NAV3: variants seen among roughly 807,000 people sequenced by gnomAD.
The protein encoded by NAV3 is neuron navigator 3.
NAV3 carries 87 observed loss-of-function variants against 244.7 expected under a neutral mutation model. The ratio of observed to expected loss-of-function variants is 0.36; its 90% CI spans 0.30 to 0.42. The LOEUF (loss-of-function observed/expected upper bound fraction) is 0.42, where lower values mean the gene tolerates loss of function less well. Among genes scored for constraint, NAV3 ranks in the 20% least tolerant of loss-of-function variants. The pLI, the probability that NAV3 is intolerant of heterozygous loss-of-function variation, is 1.00. For missense variants in NAV3, 2,663 were observed against 2,893.3 expected (o/e 0.92, Z 1.83); for synonymous variants, 1,126 against 1,042.2 (o/e 1.08, Z -1.55).
At chr12:77,868,083 C>G (rs1592835242) in intron 1 of NAV3, among the ~76,000 whole-genome samples, 1 of 140,434 alleles carries the variant, frequency 7.1e-6, no homozygotes, top group South Asian at 2.7e-4. Context: ...TTCTTCCAGT[C>G]AAACCTTGCT....
chr12:77,840,175 G>T (rs566466275), intron 1 of NAV3, among the ~76,000 whole-genome samples: 4 of 152,198 alleles, frequency 2.6e-5, no homozygotes, highest in Admixed American at 6.5e-5. Flanking sequence ...CTATGAAATA[G>T]TGTGTTGTGT....
At chr12:78,165,928 A>G (rs1358541484) in intron 23 of NAV3, among the ~76,000 whole-genome samples, 3 of 151,076 alleles carry the variant, frequency 2.0e-5, no homozygotes, top group Admixed American at 6.7e-5. Flanking sequence ...GATGTTTTTT[A>G]TATGGTACCC....
intron 2 of NAV3, among the ~76,000 whole-genome samples, chr12:77,624,412 A>C (rs1871522913): frequency 6.6e-6 from 1 of 152,140 alleles, no homozygotes; most frequent in Non-Finnish European, 1.5e-5. Flanking sequence ...TTTTACTCAG[A>C]GTCACCTCAG....
chr12:77,763,423 A>G (rs1869587614), intron 2 of NAV3, among the ~76,000 whole-genome samples: 1 of 152,134 alleles, frequency 6.6e-6, no homozygotes. Flanking sequence ...CTCACAGGAT[A>G]AAGAATGCCT....
At chr12:78,044,468 A>C (rs1881422008) in intron 9 of NAV3, among the ~76,000 whole-genome samples, 1 of 152,178 alleles carries the variant, frequency 6.6e-6, no homozygotes, top group Non-Finnish European at 1.5e-5. Context: ...CTCTATGAAT[A>C]AAGTCAATGG....
chr12:78,076,891 G>T (rs1953078676), intron 12 of NAV3, among the ~76,000 whole-genome samples: 2 of 152,066 alleles, frequency 1.3e-5, no homozygotes, highest in African/African-American at 4.8e-5. Flanking sequence ...TTTTGACCAA[G>T]ATATTAATAT....
At chr12:77,583,166 A>G (rs944727943) in intron 2 of NAV3, among the ~76,000 whole-genome samples, 2 of 152,216 alleles carry the variant, frequency 1.3e-5, no homozygotes, top group South Asian at 2.1e-4. Context: ...AACCACATCA[A>G]TAATTCTGCC....
At chr12:77,835,024 G>A (rs1382542369) in intron 1 of NAV3, among the ~76,000 whole-genome samples, 1 of 152,058 alleles carries the variant, frequency 6.6e-6, no homozygotes, top group Non-Finnish European at 1.5e-5. Flanking sequence ...TCATTTTCAT[G>A]TAAAGGAAAT....
intron 23 of NAV3, 85 bp downstream of exon 23, chr12:78,159,371 A>G (rs996847600): frequency 2.3e-5 from 28 of 1,241,204 alleles, no homozygotes; most frequent in South Asian, 8.9e-5. Flanking sequence ...CTCCTTAAAA[A>G]TAATATTCCA....
chr12:78,096,304 T>G (rs1954247795), intron 12 of NAV3, among the ~76,000 whole-genome samples: 1 of 152,152 alleles, frequency 6.6e-6, no homozygotes, highest in Admixed American at 6.5e-5. Context: ...TCTCCAAGGC[T>G]TTATATCATT....
chr12:77,888,172 A>T (rs2136702307), intron 1 of NAV3, among the ~76,000 whole-genome samples: 1 of 152,190 alleles, frequency 6.6e-6, no homozygotes, highest in African/African-American at 2.4e-5. Context: ...CCCATACTCT[A>T]ACTAAAGTGG....
intron 2 of NAV3, among the ~76,000 whole-genome samples, chr12:77,578,148 G>A (rs1359396415): frequency 6.6e-6 from 1 of 152,162 alleles, no homozygotes; most frequent in Non-Finnish European, 1.5e-5. Context: ...TGACTGCAAA[G>A]TTGAAAAAAT....
rs576235725 is a variant in NAV3 at position 77,991,021 on chromosome 12, G to T, written c.672-3782G>T. Among the ~76,000 whole-genome samples, 67 of 152,086 alleles carry T rather than the reference G, an allele frequency of 4.4e-4. 1 individual carries two copies. Among genetic ancestry groups the T allele is most frequent in the South Asian group, 4.3e-3 (21 of 4,830 alleles). On this transcript the variant is annotated intron_variant, in intron 5 of 39. Transcript: ENST00000397909. Reference sequence around the variant, plus strand: ...ATTTTCAAAATGTATTAGTTTTATTGTTTATTTATTTTTTTATTTTTTCTG... The same window carrying T: ...ATTTTCAAAATGTATTAGTTTTATTTTTTATTTATTTTTTTATTTTTTCTG...
intron 1 of NAV3, among the ~76,000 whole-genome samples, chr12:77,833,451 G>A (rs1036067400): frequency 1.3e-5 from 2 of 152,218 alleles, no homozygotes; most frequent in African/African-American, 4.8e-5. Context: ...GTGACAGCAG[G>A]AGTGGCTTAC....
chr12:77,728,172 C>A (rs964921515), intron 2 of NAV3, among the ~76,000 whole-genome samples: 2 of 151,896 alleles, frequency 1.3e-5, no homozygotes, highest in Non-Finnish European at 2.9e-5. Flanking sequence ...ACTTAAATCC[C>A]CAGCTCACTC....
intron 8 of NAV3, among the ~76,000 whole-genome samples, chr12:78,014,076 T>C (rs571104396): frequency 6.6e-6 from 1 of 152,190 alleles, no homozygotes; most frequent in African/African-American, 2.4e-5. Context: ...AACTATATTC[T>C]ACATGCTTTC....
At chr12:77,580,486 A>G (rs1051097365) in intron 2 of NAV3, among the ~76,000 whole-genome samples, 1 of 152,212 alleles carries the variant, frequency 6.6e-6, no homozygotes. Flanking sequence ...AATCACCTGT[A>G]ACTAGAACTC....
chr12:78,055,375 T>C (rs1436109004), intron 11 of NAV3, among the ~76,000 whole-genome samples: 1 of 152,226 alleles, frequency 6.6e-6, no homozygotes, highest in Non-Finnish European at 1.5e-5. Context: ...AGGCATATTG[T>C]ACTCAGGAGC....
At chr12:77,953,344 G>A (rs147125076) in intron 3 of NAV3, among the ~76,000 whole-genome samples, 370 of 152,166 alleles carry the variant, frequency 2.4e-3, no homozygotes, top group African/African-American at 8.2e-3. Flanking sequence ...GGAAGAGTAT[G>A]TTTACATATA....
Sources: allele counts gnomAD v4.1 joint callset (sites outside exome capture counted in the v4.1 genomes callset), GRCh38; gene constraint gnomAD v4.1.1; transcripts MANE v1.5; gene names NCBI Gene and HGNC (gene_info 2026-07-23, HGNC 2026-07-21).